MDFIC: variants seen among roughly 807,000 people sequenced by gnomAD.
MDFIC encodes myoD family inhibitor domain-containing protein.
Under a neutral mutation model 23.2 loss-of-function variants are expected in MDFIC, and 17 were observed. The ratio of observed to expected loss-of-function variants is 0.73; its 90% CI spans 0.50 to 1.10. The LOEUF (loss-of-function observed/expected upper bound fraction) is 1.10. Among genes scored for constraint, MDFIC ranks in the 50% least tolerant of loss-of-function variants. The pLI, the probability that MDFIC is intolerant of heterozygous loss-of-function variation, is 0.00. For synonymous variants in MDFIC, 120 were observed against 115.2 expected (o/e 1.04, Z -0.27); for missense variants, 356 against 316.6 (o/e 1.12, Z -0.95).
chr7:115,012,381 C>T (rs553424078), intron 4 of MDFIC, among the ~76,000 whole-genome samples: 9 of 152,234 alleles, frequency 5.9e-5, no homozygotes, highest in South Asian at 4.2e-4. Flanking sequence ...CACCATGAGA[C>T]GCCATTTCAC....
chr7:114,990,846 T>A (rs1471717556), intron 4 of MDFIC, among the ~76,000 whole-genome samples: 1 of 152,186 alleles, frequency 6.6e-6, no homozygotes, highest in Non-Finnish European at 1.5e-5. Context: ...TGATTTATAA[T>A]CCTTTGGGTA....
At chr7:114,968,370 A>G (rs1372951471) in intron 3 of MDFIC, among the ~76,000 whole-genome samples, 1 of 152,236 alleles carries the variant, frequency 6.6e-6, no homozygotes, top group Non-Finnish European at 1.5e-5. Context: ...TTTATGTGCT[A>G]GAAATTTCCA....
intron 3 of MDFIC, among the ~76,000 whole-genome samples, chr7:114,954,597 C>T (rs996207673): frequency 6.6e-6 from 1 of 152,128 alleles, no homozygotes; most frequent in Non-Finnish European, 1.5e-5. Context: ...TTCATTATTG[C>T]CTTTTGATTT....
intron 4 of MDFIC, among the ~76,000 whole-genome samples, chr7:114,984,631 G>C (rs981841216): frequency 6.6e-6 from 1 of 152,030 alleles, no homozygotes; most frequent in East Asian, 1.9e-4. Context: ...TTTTCTGATT[G>C]CATCACCCAG....
chr7:114,927,050 G>A (rs1157652011), intron 2 of MDFIC, among the ~76,000 whole-genome samples: 1 of 151,972 alleles, frequency 6.6e-6, no homozygotes, highest in Non-Finnish European at 1.5e-5. Context: ...TGGAGATCAG[G>A]GACACTCCTG....
chr7:114,959,094 T>C (rs1227816339), intron 3 of MDFIC, among the ~76,000 whole-genome samples: 1 of 152,224 alleles, frequency 6.6e-6, no homozygotes, highest in East Asian at 1.9e-4. Context: ...GTGTTCATTT[T>C]CTGAATTTTT....
In MDFIC at chr7:115,018,879, T is replaced by C. The variant is rs1024824827; in HGVS notation, c.*2944T>C. On this transcript the variant is annotated 3_prime_UTR_variant, in exon 5 of 5. Transcript: ENST00000393486. ...TCATCCCTGTCTGAAGATTTCCTAG[T>C]CTTCTTATGTAAATCACATGACTCA... is the stretch of plus-strand genomic sequence containing the variant. 1 of 152,000 alleles carries C rather than the reference T, an allele frequency of 6.6e-6. No homozygotes were observed. The highest frequency in any genetic ancestry group is 1.5e-5 in the Non-Finnish European group (1 of 67,882). The allele number at this position is 152,000 out of a possible 1,614,324, so 9.4% of individuals were successfully genotyped here.
chr7:114,974,511 G>A (rs1203919178), intron 3 of MDFIC, among the ~76,000 whole-genome samples: 1 of 151,866 alleles, frequency 6.6e-6, no homozygotes, highest in East Asian at 1.9e-4. Flanking sequence ...ATTTTTTTAT[G>A]TGTACAACAA....
chr7:114,970,750 AAACTC>A, intron 3 of MDFIC, among the ~76,000 whole-genome samples: 1 of 152,188 alleles, frequency 6.6e-6, no homozygotes, highest in Non-Finnish European at 1.5e-5. Context: ...TCAGCATACT[AAACTC>A]AAACAAGTAA....
chr7:114,982,115 T>C (rs1793427672), intron 4 of MDFIC, among the ~76,000 whole-genome samples: 1 of 152,168 alleles, frequency 6.6e-6, no homozygotes, highest in Admixed American at 6.5e-5. Flanking sequence ...CCTGCTTGAC[T>C]CTCAGGATAG....
At chr7:114,926,208 A>T (rs1183587423) in intron 2 of MDFIC, among the ~76,000 whole-genome samples, 5 of 152,234 alleles carry the variant, frequency 3.3e-5, no homozygotes, top group Non-Finnish European at 5.9e-5. Flanking sequence ...TGCTTCTTTC[A>T]TAAGTATGGG....
At chr7:114,959,803 G>T (rs943918934) in intron 3 of MDFIC, among the ~76,000 whole-genome samples, 1 of 144,454 alleles carries the variant, frequency 6.9e-6, no homozygotes, top group Non-Finnish European at 1.5e-5. Flanking sequence ...CAATTATCTT[G>T]ACTCCCACAT....
chr7:114,952,890 T>C (rs1413625760), intron 3 of MDFIC, among the ~76,000 whole-genome samples: 2 of 152,194 alleles, frequency 1.3e-5, no homozygotes, highest in Non-Finnish European at 2.9e-5. Context: ...CCTTCAGCAT[T>C]GCAAAGGCGC....
At chr7:114,949,803 G>C (rs1462518058) in intron 3 of MDFIC, among the ~76,000 whole-genome samples, 2 of 152,110 alleles carry the variant, frequency 1.3e-5, no homozygotes, top group Non-Finnish European at 2.9e-5. Context: ...ATGTGGGGAG[G>C]GGGCCAGAGG....
At chr7:114,969,674 T>C (rs1364337593) in intron 3 of MDFIC, among the ~76,000 whole-genome samples, 1 of 152,210 alleles carries the variant, frequency 6.6e-6, no homozygotes, top group East Asian at 1.9e-4. Context: ...TTATCTACTA[T>C]GGTCTTGTTT....
At chr7:114,945,169 T>C (rs1234192137) in intron 3 of MDFIC, among the ~76,000 whole-genome samples, 2 of 152,226 alleles carry the variant, frequency 1.3e-5, no homozygotes, top group African/African-American at 2.4e-5. Context: ...TTGTGCCGGA[T>C]GGCTGCTGCC....
At chr7:114,961,741 A>G (rs762800325) in intron 3 of MDFIC, among the ~76,000 whole-genome samples, 14 of 152,146 alleles carry the variant, frequency 9.2e-5, no homozygotes, top group Non-Finnish European at 1.8e-4. Flanking sequence ...ACACTTTTAA[A>G]CAAGAAGATC....
chr7:115,014,045 C>T, intron 4 of MDFIC: 1 of 985,252 alleles, frequency 1.0e-6, no homozygotes, highest in Non-Finnish European at 1.2e-6. Flanking sequence ...AACAGTGTGT[C>T]CTTCTACAAA....
At chr7:114,942,830 A>G (rs972490518) in intron 3 of MDFIC, among the ~76,000 whole-genome samples, 1 of 152,144 alleles carries the variant, frequency 6.6e-6, no homozygotes, top group Admixed American at 6.5e-5. Flanking sequence ...TGTTAAAAAA[A>G]TTTTTTGTGA....
Sources: gnomAD v4.1 joint callset for allele counts (sites outside exome capture counted in the v4.1 genomes callset) on GRCh38, gnomAD v4.1.1 for gene constraint, MANE v1.5 for transcripts, NCBI Gene and HGNC (gene_info 2026-07-23, HGNC 2026-07-21) for gene names.